Variants in AVEN observed in about 807,000 individuals in gnomAD.
The protein encoded by AVEN is cell death regulator Aven.
AVEN carries 41 observed loss-of-function variants against 38.1 expected under a neutral mutation model. The ratio of observed to expected loss-of-function variants is 1.08; its 90% CI spans 0.84 to 1.40. AVEN has a LOEUF of 1.40. Among genes scored for constraint, AVEN ranks in the 40% most tolerant of loss-of-function variants. AVEN has a pLI of 0.00. For missense variants in AVEN, 605 were observed against 438.8 expected (o/e 1.38, Z -3.38); for synonymous variants, 206 against 171.8 (o/e 1.20, Z -1.56).
chr15:33,933,510 C>G (rs1324321264), intron 2 of AVEN, among the ~76,000 whole-genome samples: 1 of 119,152 alleles, frequency 8.4e-6, no homozygotes, highest in East Asian at 2.3e-4. Context: ...CACACACACA[C>G]ACACACACAC....
chr15:33,924,403 C>G (rs539545257), intron 2 of AVEN, among the ~76,000 whole-genome samples: 1 of 151,992 alleles, frequency 6.6e-6, no homozygotes, highest in Non-Finnish European at 1.5e-5. Context: ...TTTCCTGGCA[C>G]GACGCAGTCT....
intron 2 of AVEN, among the ~76,000 whole-genome samples, chr15:33,891,351 T>C (rs969618881): frequency 5.3e-5 from 8 of 152,146 alleles, no homozygotes; most frequent in African/African-American, 1.9e-4. Context: ...TCATTTACAT[T>C]AGGTATTTCT....
chr15:33,906,083 G>A (rs1472454720), intron 2 of AVEN, among the ~76,000 whole-genome samples: 2 of 152,150 alleles, frequency 1.3e-5, no homozygotes, highest in Non-Finnish European at 2.9e-5. Flanking sequence ...CTAAAAAAAG[G>A]TCAAGCTTAA....
In AVEN at chr15:33,872,488, G is replaced by A. The variant is rs373698769; in HGVS notation, c.517-1458C>T. On this transcript the variant is annotated intron_variant, in intron 3 of 5. Transcript: ENST00000306730. ...ACATGGTATGGTGGAGTAATAAGCT[G>A]GGCAGCTTTTTAAGATACAGGTTCA... is the stretch of plus-strand genomic sequence containing the variant. Among the ~76,000 whole-genome samples, 5 of 152,214 alleles carry A rather than the reference G, an allele frequency of 3.3e-5. No individual in the cohort carries two copies. The East Asian group carries it at 9.7e-4, about 29-fold the overall frequency.
At chr15:33,899,495 A>C (rs1428054813) in intron 2 of AVEN, among the ~76,000 whole-genome samples, 1 of 60,234 alleles carries the variant, frequency 1.7e-5, no homozygotes, top group African/African-American at 5.6e-5. Flanking sequence ...TTTGAGACGG[A>C]GTGTTGCTCT....
At chr15:33,988,796 CAAG>C (rs1371011324) in intron 2 of AVEN, among the ~76,000 whole-genome samples, 1 of 152,194 alleles carries the variant, frequency 6.6e-6, no homozygotes, top group Non-Finnish European at 1.5e-5. Context: ...TCCCATGCAG[CAAG>C]AAGGACCATT....
At chr15:33,852,493 G>A in the AVEN span, 2 of 155,042 alleles carry the variant, frequency 1.3e-5, no homozygotes, top group East Asian at 1.9e-4. Context: ...GTGGCATTAC[G>A]TGGGAATAGA....
downstream of AVEN, chr15:33,854,311 A>T (rs1051400535): frequency 3.4e-5 from 41 of 1,200,204 alleles, no homozygotes; most frequent in African/African-American, 5.9e-4. Context: ...GAGAGAAAAA[A>T]CTTACTTTTT....
intron 1 of AVEN, among the ~76,000 whole-genome samples, chr15:34,025,963 A>G (rs1460093616): frequency 6.6e-6 from 1 of 152,128 alleles, no homozygotes; most frequent in Non-Finnish European, 1.5e-5. Context: ...TGTCTTCCCT[A>G]TTTTTATAAT....
At chr15:33,994,009 T>G in intron 2 of AVEN, among the ~76,000 whole-genome samples, 1 of 152,216 alleles carries the variant, frequency 6.6e-6, no homozygotes, top group East Asian at 1.9e-4. Flanking sequence ...CTTCTGAACA[T>G]ACAGCTGTGA....
intron 2 of AVEN, among the ~76,000 whole-genome samples, chr15:33,904,706 T>TACAC (rs755723684): frequency 2.4e-4 from 24 of 101,398 alleles, no homozygotes; most frequent in Admixed American, 1.0e-3. Flanking sequence ...TATATATATA[T>TACAC]ATATATATAT....
chr15:33,870,195 T>G (rs1489569763), intron 4 of AVEN, among the ~76,000 whole-genome samples: 1 of 152,150 alleles, frequency 6.6e-6, no homozygotes, highest in African/African-American at 2.4e-5. Flanking sequence ...ATCTCCACCG[T>G]CATTACTGTA....
chr15:33,924,808 T>C (rs995388569), intron 2 of AVEN, among the ~76,000 whole-genome samples: 12 of 152,232 alleles, frequency 7.9e-5, no homozygotes, highest in Non-Finnish European at 8.8e-5. Flanking sequence ...GACCCATAAT[T>C]GCTGGCATTA....
intron 2 of AVEN, among the ~76,000 whole-genome samples, chr15:33,918,296 T>C (rs924186895): frequency 3.3e-5 from 5 of 152,168 alleles, no homozygotes; most frequent in African/African-American, 1.2e-4. Flanking sequence ...AATTTTAAGC[T>C]CATTTAGCTC....
chr15:33,886,469 A>C (rs1313293287), intron 2 of AVEN, among the ~76,000 whole-genome samples: 1 of 151,992 alleles, frequency 6.6e-6, no homozygotes, highest in Non-Finnish European at 1.5e-5. Context: ...CACTCGGCTA[A>C]TTTTTTTGTA....
chr15:34,027,013 G>A lies in AVEN; in HGVS notation c.267+11767C>T, dbSNP rs895662603. ...GGCTGCTTCAAAAAATAGAATAGAAGTACTTCCAGAATGATAAAGACCTCT... is the reference window on the plus strand; with the variant it reads ...GGCTGCTTCAAAAAATAGAATAGAAATACTTCCAGAATGATAAAGACCTCT... On this transcript the variant is annotated intron_variant, in intron 1 of 5. Coordinates refer to ENST00000306730, the MANE Select transcript of AVEN (RefSeq NM_020371.3). 4.4e-5 allele frequency among the ~76,000 whole-genome samples: 6 copies of A among 137,410 alleles called. No homozygotes were observed. The South Asian group carries it at 7.1e-4, about 16-fold the overall frequency. The allele number at this position is 137,410 out of a possible 152,430, so 90.1% of individuals were successfully genotyped here.
At chr15:34,001,444 T>C (rs901593057) in intron 2 of AVEN, among the ~76,000 whole-genome samples, 4 of 152,202 alleles carry the variant, frequency 2.6e-5, no homozygotes, top group Admixed American at 2.0e-4. Context: ...AATTTCATTG[T>C]ATTACTTCAA....
At chr15:33,899,978 G>T (rs1892421355) in intron 2 of AVEN, among the ~76,000 whole-genome samples, 1 of 150,952 alleles carries the variant, frequency 6.6e-6, no homozygotes, top group African/African-American at 2.4e-5. Flanking sequence ...CATGTGCAAA[G>T]AAGTAAACAG....
intron 11 of AVEN, chr15:33,859,815 T>C: frequency 7.4e-7 from 1 of 1,353,526 alleles, no homozygotes; most frequent in Non-Finnish European, 1.0e-6. Context: ...AATTGGTTTA[T>C]GAAGAAGCGT....
Sources: gnomAD v4.1 joint callset for allele counts (sites outside exome capture counted in the v4.1 genomes callset) on GRCh38, gnomAD v4.1.1 for gene constraint, MANE v1.5 for transcripts, NCBI Gene and HGNC (gene_info 2026-07-23, HGNC 2026-07-21) for gene names.